AP5B1: variants seen among roughly 807,000 people sequenced by gnomAD.
AP5B1 encodes adaptor related protein complex 5 subunit beta 1.
Under a neutral mutation model 5.7 loss-of-function variants are expected in AP5B1, and 3 were observed. The ratio of observed to expected loss-of-function variants is 0.53; its 90% CI spans 0.24 to 1.36. The LOEUF (loss-of-function observed/expected upper bound fraction) is 1.36. AP5B1 is among the 40% of genes most tolerant of loss of function. The probability of loss-of-function intolerance (pLI) is 0.17; values close to 1 mark genes in which losing one functional copy is unlikely to be tolerated. For synonymous variants in AP5B1, 696 were observed against 555.5 expected, an observed-to-expected ratio of 1.25 and a Z score of -3.56; for missense variants, 1,310 against 1,143.2, an observed-to-expected ratio of 1.15 and a Z score of -2.10.
In AP5B1 at chr11:65,777,527, A is replaced by G. The variant is rs1590989845; in HGVS notation, c.*329T>C. 3.5e-6 allele frequency: 1 copy of G among 286,480 alleles called. No homozygotes were observed. The highest frequency in any genetic ancestry group is 6.6e-6 in the Non-Finnish European group (1 of 151,470). The allele number at this position is 286,480 out of a possible 1,614,324, so 17.7% of individuals were successfully genotyped here. Reference sequence around the variant, plus strand: ...GGGAGTGGGTTCGCTCTCTCCCCTCACTCCTGTCACTCTGTCCTCTGTCAT... The same window carrying G: ...GGGAGTGGGTTCGCTCTCTCCCCTCGCTCCTGTCACTCTGTCCTCTGTCAT... On this transcript the variant is annotated 3_prime_UTR_variant, in exon 2 of 2. Transcript: ENST00000532090.
chr11:65,775,010 C>G lies in AP5B1; in HGVS notation c.*2846G>C, dbSNP rs1455855107. On this transcript the variant is annotated 3_prime_UTR_variant, in exon 2 of 2. Coordinates refer to ENST00000532090, the MANE Select transcript of AP5B1 (RefSeq NM_138368.5). ...GTGGGCTCAGTCAGTGCCATCCTCCCTTTTGGTGCCTCCCTAGAAGTGCTG... is the reference window on the plus strand; with the variant it reads ...GTGGGCTCAGTCAGTGCCATCCTCCGTTTTGGTGCCTCCCTAGAAGTGCTG... Among the ~76,000 whole-genome samples, 1 of 152,200 alleles carries G rather than the reference C, an allele frequency of 6.6e-6. No individual in the cohort carries two copies. The highest frequency in any genetic ancestry group is 2.4e-5 in the African/African-American group (1 of 41,438).
Position 65,780,520 on chromosome 11 carries a change from C to T in AP5B1, c.72G>A (p.Met24Ile), listed in dbSNP as rs1416169770. 1 of 1,517,150 alleles carries T rather than the reference C, an allele frequency of 6.6e-7. No individual in the cohort carries two copies. The highest frequency in any genetic ancestry group is 1.2e-5 in the South Asian group (1 of 81,502). The allele number at this position is 1,517,150 out of a possible 1,614,324, so 94.0% of individuals were successfully genotyped here. A position where few individuals can be genotyped will look rare whatever the true frequency, so the allele number is the denominator to read the frequency against. The change falls in exon 1 of 2, where the codon ATG becomes ATA. Residue 24 changes from methionine to isoleucine, a missense_variant. Transcript: ENST00000532090. ...CCAAATCCTCCCCCTCGGGACCTGC[C>T]ATGAAGGCAGACGGGCTGGCCCGGA... is the stretch of plus-strand genomic sequence containing the variant. ...GAFRASPSAF[M>I]AGPEGEDLGR...
chr11:65,779,034 T>G lies in AP5B1; in HGVS notation c.1459A>C (p.Ile487Leu). ...TGGTACAGCTGGGCCAGTCCGTGGA[T>G]CAAGGGGGTCAGCACCGTAGGTTGC... ...AGQPTVLTPL[I>L]HGLAQLYQAR... Residue 487 changes from isoleucine to leucine, a missense_variant, in exon 2 of 2, where the codon ATC (isoleucine) becomes CTC (leucine). Ile to Leu is a conservative substitution (Grantham distance 5). Coordinates refer to ENST00000532090, the MANE Select transcript of AP5B1 (RefSeq NM_138368.5). 6.2e-7 allele frequency: 1 copy of G among 1,607,024 alleles called. No individual in the cohort carries two copies. Among genetic ancestry groups the G allele is most frequent in the Non-Finnish European group, 8.5e-7 (1 of 1,176,762 alleles).
Position 65,777,978 on chromosome 11 carries a change from T to A in AP5B1, c.2515A>T (p.Lys839Ter). Residue 839 changes from lysine (K) to a stop codon, truncating the protein, a stop_gained, in exon 2 of 2, where the codon AAG becomes TAG. Transcript: ENST00000532090. LOFTEE classifies it high-confidence loss of function. ...GCCGCCTCCAGCCGCAGCAGCAGCT[T>A]TGAGTCCGGGGGCAGGTGGATTGCT... Reference protein sequence around the residue: ...CVAIHLPPDSKLLLRLEAALA... With the variant: ...CVAIHLPPDS 6.2e-7 allele frequency: 1 copy of A among 1,606,980 alleles called. No individual in the cohort carries two copies. The highest frequency in any genetic ancestry group is 1.3e-5 in the African/African-American group (1 of 74,874).
chr11:65,779,875 G>A lies in AP5B1; in HGVS notation c.618C>T (p.Gly206=). 18 of 1,595,926 alleles carry A rather than the reference G, an allele frequency of 1.1e-5. No individual in the cohort carries two copies. The highest frequency in any genetic ancestry group is 1.5e-5 in the Non-Finnish European group (17 of 1,170,780). Residue 206 remains glycine, a synonymous_variant, in exon 2 of 2, where the codon GGC becomes GGT. Transcript: ENST00000532090. ...TLVLQSRVGA[G]LGGLLTDKVS... is the part of the protein sequence containing the mutation. The stretch of plus-strand genomic sequence containing the variant: ...CCTTATCCGTGAGCAGTCCCCCCAG[G>A]CCAGCCCCAACCCGGGACTGGAGCA...
In AP5B1 at chr11:65,777,995, T is replaced by C; in HGVS notation, c.2498A>G (p.His833Arg). ...QPPTSYCVAI[H>R]LPPDSKLLLR... ...CAGCAGCTTTGAGTCCGGGGGCAGG[T>C]GGATTGCTACACAGTAGCTGGTAGG... is the stretch of plus-strand genomic sequence containing the variant. The change falls in exon 2 of 2, where the codon CAC becomes CGC. Residue 833 changes from histidine to arginine, a missense_variant. By Grantham distance (29) the His-to-Arg change is conservative. Transcript: ENST00000532090. The C allele has an allele frequency of 6.2e-7, 1 of 1,610,970 alleles. No homozygotes were observed. The highest frequency in any genetic ancestry group is 8.5e-7 in the Non-Finnish European group (1 of 1,179,168).
Position 65,780,004 on chromosome 11 carries a change from C to T in AP5B1, c.489G>A (p.Gly163=). The change falls in exon 2 of 2, where the codon GGG becomes GGA. Residue 163 remains glycine, a synonymous_variant. Transcript: ENST00000532090. The stretch of plus-strand genomic sequence containing the variant: ...GCAACCCCAGGGAGCCCCCCAGCAG[C>T]CCGGGCTTGCAGCTCTCTAGCTCTC... ...CLRELESCKP[G]LLGGSLGLLR... is the part of the protein sequence containing the mutation. 1 of 1,564,516 alleles carries T rather than the reference C, an allele frequency of 6.4e-7. No homozygotes were observed. Among genetic ancestry groups the T allele is most frequent in the Non-Finnish European group, 8.7e-7 (1 of 1,155,004 alleles).
chr11:65,779,051 G>A lies in AP5B1; in HGVS notation c.1442C>T (p.Thr481Met), dbSNP rs563553264. The part of the protein sequence containing the change: ...LVACCLAGQP[T>M]VLTPLIHGLA... The stretch of plus-strand genomic sequence containing the variant: ...TCCGTGGATCAAGGGGGTCAGCACC[G>A]TAGGTTGCCCAGCCAGGCAGCAGGC... Residue 481 changes from threonine to methionine, a missense_variant, in exon 2 of 2, where the codon ACG becomes ATG. Transcript: ENST00000532090. 23 of 1,606,966 alleles carry A rather than the reference G, an allele frequency of 1.4e-5. No homozygotes were observed. In the Admixed American group the frequency reaches 1.9e-4, roughly 13 times the overall value.
chr11:65,774,924 T>C lies in AP5B1; in HGVS notation c.*2932A>G, dbSNP rs941356538. On this transcript the variant is annotated 3_prime_UTR_variant, in exon 2 of 2. Transcript: ENST00000532090. ...TGCCATGATCTTCGGGAAGCTGAAG[T>C]GATGAGCAGCAGTGTGTGATTCTGA... Among the ~76,000 whole-genome samples, 3 of 152,254 alleles carry C rather than the reference T, an allele frequency of 2.0e-5. No homozygotes were observed. Among genetic ancestry groups the C allele is most frequent in the Non-Finnish European group, 2.9e-5 (2 of 68,006 alleles).
rs746472681 is a variant in AP5B1, at chr11:65,778,283, C to T, written c.2210G>A (p.Arg737Gln). ...GGTGTAAAGGGCATGGACATCCAGC[C>T]GTGCGGGGGCCGGGCATCGGGGCTG... ...PLQPRCPAPA[R>Q]LDVHALYTTS... Residue 737 changes from arginine to glutamine, a missense_variant, in exon 2 of 2, where the codon CGG (arginine) becomes CAG (glutamine). Transcript: ENST00000532090. 19 of 1,613,098 alleles carry T rather than the reference C, an allele frequency of 1.2e-5. No homozygotes were observed. The highest frequency in any genetic ancestry group is 4.5e-5 in the East Asian group (2 of 44,884).
Position 65,774,405 on chromosome 11 carries a change from C to A in AP5B1, c.*3451G>T, listed in dbSNP as rs1857741556. Among the ~76,000 whole-genome samples, 1 of 151,956 alleles carries A rather than the reference C, an allele frequency of 6.6e-6. No individual in the cohort carries two copies. Among genetic ancestry groups the A allele is most frequent in the Admixed American group, 6.6e-5 (1 of 15,224 alleles). On this transcript the variant is annotated 3_prime_UTR_variant, in exon 2 of 2. Transcript: ENST00000532090. ...GACATATTTTGCCCCAAAACTGACC[C>A]CTTCACATTTCTTTTTTCTTTTTTG...
In AP5B1 at chr11:65,778,051, G is replaced by A; in HGVS notation, c.2442C>T (p.His814=). Residue 814 remains histidine, a synonymous_variant, in exon 2 of 2, where the codon CAC becomes CAT. Coordinates refer to ENST00000532090, the MANE Select transcript of AP5B1 (RefSeq NM_138368.5). ...PQGLEGLVSR[H]LEPFVVVAQP... ...GGGCCACCACCACAAAAGGCTCCAG[G>A]TGGCGGGACACCAAGCCCTCCAGGC... 6.2e-7 allele frequency: 1 copy of A among 1,612,706 alleles called. No homozygotes were observed. Among genetic ancestry groups the A allele is most frequent in the Non-Finnish European group, 8.5e-7 (1 of 1,179,834 alleles).
rs768021768 is a variant in AP5B1 at position 65,778,846 on chromosome 11, A to C, written c.1647T>G (p.Asp549Glu). ...TGAGGGTAGCACTCTGGGCATCTCC[A>C]TCTGCCACCTTTGCCAGCATTTGCA... Reference protein sequence around the residue: ...WHLQMLAKVADGDAQSATLNF... With the variant: ...WHLQMLAKVAEGDAQSATLNF... Residue 549 changes from aspartate to glutamate, a missense_variant, in exon 2 of 2, where the codon GAT becomes GAG. Coordinates refer to ENST00000532090, the MANE Select transcript of AP5B1 (RefSeq NM_138368.5). 3.7e-6 allele frequency: 6 copies of C among 1,609,494 alleles called. No homozygotes were observed. The African/African-American group carries it at 8.0e-5, about 21-fold the overall frequency.
Position 65,773,956 on chromosome 11 carries a change from G to A in AP5B1, c.*3900C>T, listed in dbSNP as rs996560859. On this transcript the variant is annotated 3_prime_UTR_variant, in exon 2 of 2. Transcript: ENST00000532090. ...GGCAGGGGAGGCGGGGCATGAAGGT[G>A]GGCTCTACATGACTTAACCCTTGCT... Among the ~76,000 whole-genome samples, 1 of 152,128 alleles carries A rather than the reference G, an allele frequency of 6.6e-6. No homozygotes were observed. The highest frequency in any genetic ancestry group is 2.4e-5 in the African/African-American group (1 of 41,432).
rs1417871330 is a variant in AP5B1 at position 65,779,501 on chromosome 11, T to C, written c.992A>G (p.Lys331Arg). 2.5e-6 allele frequency: 4 copies of C among 1,603,756 alleles called. No individual in the cohort carries two copies. In the African/African-American group the frequency reaches 4.0e-5, roughly 16 times the overall value. The change falls in exon 2 of 2, where the codon AAG (lysine) becomes AGG (arginine). Residue 331 changes from lysine to arginine, a missense_variant. Physicochemically the swap from Lys to Arg is conservative, Grantham distance 26. Coordinates refer to ENST00000532090, the MANE Select transcript of AP5B1 (RefSeq NM_138368.5). ...GAACAAGGCCTCACCAAAGGCCGCCTTGAGCGCAAGCATGGCGTGCAACAG... is the reference window on the plus strand; with the variant it reads ...GAACAAGGCCTCACCAAAGGCCGCCCTGAGCGCAAGCATGGCGTGCAACAG... ...LTLLHAMLALKAAFGEALFTA... is the reference protein window; with the variant it reads ...LTLLHAMLALRAAFGEALFTA...
At position 65,775,278 on chromosome 11, in the gene AP5B1, G is replaced by A. The variant is rs1857750853; in HGVS notation, c.*2578C>T. Among the ~76,000 whole-genome samples, 1 of 152,164 alleles carries A rather than the reference G, an allele frequency of 6.6e-6. No homozygotes were observed. Among genetic ancestry groups the A allele is most frequent in the Admixed American group, 6.5e-5 (1 of 15,270 alleles). On this transcript the variant is annotated 3_prime_UTR_variant, in exon 2 of 2. Transcript: ENST00000532090. ...TAAAATGGGATGGATGCACAAGTGGGCAGACAGATGGGTGAAAGGATGGTC... is the reference window on the plus strand; with the variant it reads ...TAAAATGGGATGGATGCACAAGTGGACAGACAGATGGGTGAAAGGATGGTC...
Position 65,779,886 on chromosome 11 carries a change from C to T in AP5B1, c.607G>A (p.Val203Ile), listed in dbSNP as rs1361110081. 6.3e-7 allele frequency: 1 copy of T among 1,594,580 alleles called. No individual in the cohort carries two copies. Among genetic ancestry groups the T allele is most frequent in the South Asian group, 1.1e-5 (1 of 88,872 alleles). Residue 203 changes from valine (V) to isoleucine (I), a missense_variant, in exon 2 of 2, where the codon GTT becomes ATT. Val to Ile is a conservative substitution (Grantham distance 29, BLOSUM62 3). Transcript: ENST00000532090. ...AGCAGTCCCCCCAGGCCAGCCCCAA[C>T]CCGGGACTGGAGCACCAAGGTGTTG... Reference protein sequence around the residue: ...LRNTLVLQSRVGAGLGGLLTD... With the variant: ...LRNTLVLQSRIGAGLGGLLTD...
rs1403220016 is a variant in AP5B1 at position 65,779,010 on chromosome 11, G to A, written c.1483C>T (p.Gln495Ter). Residue 495 changes from glutamine (Q) to a stop codon, truncating the protein, a stop_gained, in exon 2 of 2, where the codon CAA (glutamine) becomes TAA (stop). Coordinates refer to ENST00000532090, the MANE Select transcript of AP5B1 (RefSeq NM_138368.5). LOFTEE classifies it low-confidence loss of function (END_TRUNC). ...TGGGGAGCCAGCATGGGCCGGGCTT[G>A]GTACAGCTGGGCCAGTCCGTGGATC... is the stretch of plus-strand genomic sequence containing the variant. Reference protein sequence around the residue: ...PLIHGLAQLYQARPMLAPHFV... With the variant: ...PLIHGLAQLY 6.2e-7 allele frequency: 1 copy of A among 1,609,982 alleles called. No homozygotes were observed. The highest frequency in any genetic ancestry group is 8.5e-7 in the Non-Finnish European group (1 of 1,178,450).
Position 65,780,678 on chromosome 11 carries a change from G to A in AP5B1, c.-87C>T, listed in dbSNP as rs1447937148. On this transcript the variant is annotated 5_prime_UTR_variant, in exon 1 of 2. Coordinates refer to ENST00000532090, the MANE Select transcript of AP5B1 (RefSeq NM_138368.5). Reference sequence around the variant, plus strand: ...GCGGGGCCCGCTGCCGACCCCGAGGGGCTGCGGTCACCCCCAGACGCCGCG... The same window carrying A: ...GCGGGGCCCGCTGCCGACCCCGAGGAGCTGCGGTCACCCCCAGACGCCGCG... 7.8e-7 allele frequency: 1 copy of A among 1,277,640 alleles called. No homozygotes were observed. Among genetic ancestry groups the A allele is most frequent in the African/African-American group, 1.6e-5 (1 of 63,958 alleles). The allele number at this position is 1,277,640 out of a possible 1,614,324, so 79.1% of individuals were successfully genotyped here.
Sources: gnomAD v4.1 joint callset for allele counts (sites outside exome capture counted in the v4.1 genomes callset) on GRCh38, gnomAD v4.1.1 for gene constraint, MANE v1.5 for transcripts, NCBI Gene and HGNC (gene_info 2026-07-23, HGNC 2026-07-21) for gene names.